COL14A1: variants seen among roughly 807,000 people sequenced by gnomAD.
COL14A1 encodes collagen type XIV alpha 1 chain.
Under a neutral mutation model 230.3 loss-of-function variants are expected in COL14A1, and 136 were observed. That is an observed-to-expected ratio of 0.59 (90% CI 0.51 to 0.68). The LOEUF is 0.68. Ranked by LOEUF, COL14A1 falls within the 30% of genes least tolerant of loss-of-function variation. COL14A1 has a pLI of 0.00. For missense variants in COL14A1, 1,976 were observed against 2,215.8 expected, an observed-to-expected ratio of 0.89 and a Z score of 2.17; for synonymous variants, 792 against 784.1, an observed-to-expected ratio of 1.01 and a Z score of -0.17.
At chr8:120,235,598 T>G (rs1365196384) in intron 19 of COL14A1, among the ~76,000 whole-genome samples, 9 of 152,206 alleles carry the variant, frequency 5.9e-5, no homozygotes, top group Non-Finnish European at 1.3e-4. Context: ...TTGAAGGGCT[T>G]TTCGTGTCTC....
rs1386369755 is a variant in COL14A1 at position 120,372,668 on chromosome 8, T to C, written c.*1437T>C. On this transcript the variant is annotated 3_prime_UTR_variant, in exon 48 of 48. Transcript: ENST00000297848. ...AACACGAAGGATGGTGTCTGTCTGA[T>C]CACCAGGTTCTCTTTCTGTCCTTCT... is the stretch of plus-strand genomic sequence containing the variant. Among the ~76,000 whole-genome samples, 1 of 152,102 alleles carries C rather than the reference T, an allele frequency of 6.6e-6. No individual in the cohort carries two copies. The highest frequency in any genetic ancestry group is 1.5e-5 in the Non-Finnish European group (1 of 68,016).
chr8:120,195,518 C>T (rs925447317), intron 5 of COL14A1, among the ~76,000 whole-genome samples: 1 of 152,068 alleles, frequency 6.6e-6, no homozygotes, highest in African/African-American at 2.4e-5. Context: ...GGTCTGTTCT[C>T]ACGCTGCTAA....
At chr8:120,346,879 C>T (rs1405412320) in intron 45 of COL14A1, among the ~76,000 whole-genome samples, 2 of 152,204 alleles carry the variant, frequency 1.3e-5, no homozygotes, top group African/African-American at 2.4e-5. Flanking sequence ...TAGGTACTTA[C>T]TAGATAGTTG....
intron 14 of COL14A1, among the ~76,000 whole-genome samples, chr8:120,221,478 C>A (rs1393189158): frequency 1.3e-5 from 2 of 151,938 alleles, no homozygotes; most frequent in East Asian, 1.9e-4. Context: ...ATAATCAATG[C>A]TGAAATTATG....
At chr8:120,362,186 C>T (rs1823243279) in intron 45 of COL14A1, among the ~76,000 whole-genome samples, 1 of 152,074 alleles carries the variant, frequency 6.6e-6, no homozygotes, top group African/African-American at 2.4e-5. Context: ...GCCAATCTGC[C>T]TGGGTTGAGA....
At chr8:120,348,791 A>C (rs1586887438) in intron 45 of COL14A1, among the ~76,000 whole-genome samples, 2 of 152,220 alleles carry the variant, frequency 1.3e-5, no homozygotes, top group African/African-American at 4.8e-5. Context: ...AATGTGATAC[A>C]CAGTAAAAAA....
intron 12 of COL14A1, among the ~76,000 whole-genome samples, chr8:120,211,862 G>A (rs976696523): frequency 2.0e-5 from 3 of 152,216 alleles, no homozygotes; most frequent in African/African-American, 7.2e-5. Context: ...CAGAAAAGGT[G>A]TTCAAGAATC....
In COL14A1 at chr8:120,354,447, C is replaced by G. The variant is rs1458556759; in HGVS notation, c.5077+8884C>G. Among the ~76,000 whole-genome samples, 3 of 150,934 alleles carry G rather than the reference C, an allele frequency of 2.0e-5. No individual in the cohort carries two copies. In the East Asian group the frequency reaches 5.8e-4, roughly 29 times the overall value. ...CCCCATACAATGTCTTTGATTAACCCCATCTTTGTCAGAGAAATGGCAAAG... is the reference window on the plus strand; with the variant it reads ...CCCCATACAATGTCTTTGATTAACCGCATCTTTGTCAGAGAAATGGCAAAG... On this transcript the variant is annotated intron_variant, in intron 45 of 47. Transcript: ENST00000297848.
intron 34 of COL14A1, among the ~76,000 whole-genome samples, chr8:120,293,379 T>C (rs1402228876): frequency 1.3e-5 from 2 of 151,952 alleles, no homozygotes; most frequent in East Asian, 3.8e-4. Flanking sequence ...ATATAGTATA[T>C]TTTCATGTGA....
At chr8:120,334,587 C>A (rs529100678) in intron 42 of COL14A1, among the ~76,000 whole-genome samples, 71 of 127,564 alleles carry the variant, frequency 5.6e-4, no homozygotes, top group African/African-American at 2.4e-3. Flanking sequence ...CACACAAAAA[C>A]ACACACACAC....
Position 120,208,306 on chromosome 8 carries a change from C to T in COL14A1, c.1266C>T (p.Val422=), listed in dbSNP as rs1817510609. The T allele has an allele frequency of 6.2e-7, 1 of 1,613,518 alleles. No individual in the cohort carries two copies. Among genetic ancestry groups the T allele is most frequent in the East Asian group, 2.2e-5 (1 of 44,866 alleles). ...LMSLTEYQIA[V]FAIYAHTASE... is the part of the protein sequence containing the mutation. ...CTTTAACTGAATATCAGATAGCAGT[C>T]TTTGCAATCTATGCCCACACTGCTA... Residue 422 remains valine, a synonymous_variant, in exon 11 of 48, where the codon GTC becomes GTT. Coordinates refer to ENST00000297848, the MANE Select transcript of COL14A1 (RefSeq NM_021110.4).
At chr8:120,181,966 C>T (rs545452519) in intron 5 of COL14A1, among the ~76,000 whole-genome samples, 5 of 152,140 alleles carry the variant, frequency 3.3e-5, no homozygotes, top group South Asian at 2.1e-4. Flanking sequence ...CCCCCCTCCC[C>T]GAAAAGTTAT....
At chr8:120,173,317 T>A (rs1816154799) in intron 5 of COL14A1, among the ~76,000 whole-genome samples, 2 of 152,204 alleles carry the variant, frequency 1.3e-5, no homozygotes, top group Non-Finnish European at 1.5e-5. Context: ...CTTTTAAATA[T>A]GTTCCCATCA....
intron 13 of COL14A1, 94 bp downstream of exon 13, chr8:120,212,671 C>G (rs1817647739): frequency 1.5e-6 from 2 of 1,340,022 alleles, no homozygotes; most frequent in East Asian, 4.7e-5. Context: ...GTTGAAACCT[C>G]TTAAAAGCTA....
intron 7 of COL14A1, 59 bp from the exon 8 acceptor site, chr8:120,199,343 G>A (rs1044868884): frequency 7.6e-6 from 11 of 1,449,978 alleles, no homozygotes; most frequent in East Asian, 2.5e-5. Flanking sequence ...ATATCTTGAA[G>A]AATTAGGAGA....
intron 19 of COL14A1, among the ~76,000 whole-genome samples, chr8:120,243,037 A>G (rs1342249563): frequency 6.6e-6 from 1 of 152,200 alleles, no homozygotes; most frequent in African/African-American, 2.4e-5. Flanking sequence ...TTTTCCAGCC[A>G]TGATTAAGTT....
intron 42 of COL14A1, among the ~76,000 whole-genome samples, chr8:120,335,713 C>G (rs998028549): frequency 1.4e-4 from 21 of 152,216 alleles, no homozygotes; most frequent in African/African-American, 4.6e-4. Context: ...AGTCTGCCTT[C>G]AGCTGCCGGC....
intron 2 of COL14A1, among the ~76,000 whole-genome samples, chr8:120,150,150 A>C (rs1343964696): frequency 2.0e-5 from 3 of 152,230 alleles, no homozygotes; most frequent in African/African-American, 7.2e-5. Flanking sequence ...AAATTGCAAT[A>C]TAAGTTATGT....
intron 47 of COL14A1, chr8:120,370,922 T>C (rs1367637318): frequency 8.5e-7 from 1 of 1,178,506 alleles, no homozygotes; most frequent in Non-Finnish European, 1.1e-6. Context: ...TTTAAATGGT[T>C]GGTTATGATT....
Sources: gnomAD v4.1 joint callset for allele counts (sites outside exome capture counted in the v4.1 genomes callset) on GRCh38, gnomAD v4.1.1 for gene constraint, MANE v1.5 for transcripts, NCBI Gene and HGNC (gene_info 2026-07-23, HGNC 2026-07-21) for gene names.